ASTN2: variants seen among roughly 807,000 people sequenced by gnomAD.
ASTN2 encodes the protein astrotactin 2.
Under a neutral mutation model 139.8 loss-of-function variants are expected in ASTN2, and 54 were observed. The ratio of observed to expected loss-of-function variants is 0.39; its 90% CI spans 0.31 to 0.48. ASTN2 has a LOEUF of 0.48. Ranked by LOEUF, ASTN2 falls within the 20% of genes least tolerant of loss-of-function variation. The probability of loss-of-function intolerance (pLI) is 0.95; values close to 1 mark genes in which losing one functional copy is unlikely to be tolerated. For synonymous variants in ASTN2, 756 were observed against 719.5 expected (o/e 1.05, Z -0.81); for missense variants, 1,565 against 1,725.1 (o/e 0.91, Z 1.64).
At chr9:116,972,800 G>T (rs972847399) in intron 10 of ASTN2, among the ~76,000 whole-genome samples, 1 of 152,140 alleles carries the variant, frequency 6.6e-6, no homozygotes, top group East Asian at 1.9e-4. Flanking sequence ...AACTTGCAGT[G>T]CACGTTCAAG....
chr9:116,505,928 C>T (rs1226991589), intron 19 of ASTN2, among the ~76,000 whole-genome samples: 1 of 152,200 alleles, frequency 6.6e-6, no homozygotes, highest in Non-Finnish European at 1.5e-5. Context: ...TCTGCTCAAA[C>T]ATCACACCCT....
intron 3 of ASTN2, among the ~76,000 whole-genome samples, chr9:117,144,660 G>GTTTTTTTTTTTTTT (rs71379267): frequency 1.3e-4 from 10 of 78,346 alleles, no homozygotes; most frequent in African/African-American, 6.0e-4. Context: ...GTGAACACTA[G>GTTTTTTTTTTTTTT]TTTTTTTTTT....
At chr9:116,474,940 C>G (rs752799917) in intron 20 of ASTN2, among the ~76,000 whole-genome samples, 31 of 152,178 alleles carry the variant, frequency 2.0e-4, no homozygotes, top group Non-Finnish European at 3.4e-4. Flanking sequence ...GTGATGGTCA[C>G]AGCCTACTGG....
Position 117,146,822 on chromosome 9 carries a change from C to A in ASTN2, c.1016-5344G>T, listed in dbSNP as rs75715158. Among the ~76,000 whole-genome samples, 34 of 152,172 alleles carry A rather than the reference C, an allele frequency of 2.2e-4. No individual in the cohort carries two copies. In the East Asian group the frequency reaches 6.6e-3, roughly 29 times the overall value. The stretch of plus-strand genomic sequence containing the variant: ...ATTAAAAGGATAGAAGGACTAAGTT[C>A]TAGTGTTCTATAGTGCTGTAGGGTG... On this transcript the variant is annotated intron_variant, in intron 3 of 22. Transcript: ENST00000313400.
rs564974830 is a variant in ASTN2, at chr9:117,075,359, G to A, written c.1276+20685C>T. ...GATCCAAGGCTGGCGGCCCAGGCTG[G>A]GGTTTTTAATTAGCTGAGAGAGGGA... On this transcript the variant is annotated intron_variant, in intron 5 of 22. Transcript: ENST00000313400. Among the ~76,000 whole-genome samples, 3 of 152,228 alleles carry A rather than the reference G, an allele frequency of 2.0e-5. No individual in the cohort carries two copies. The East Asian group carries it at 5.8e-4, about 29-fold the overall frequency.
At chr9:116,806,411 C>T (rs1831029539) in intron 12 of ASTN2, among the ~76,000 whole-genome samples, 1 of 152,082 alleles carries the variant, frequency 6.6e-6, no homozygotes, top group Non-Finnish European at 1.5e-5. Flanking sequence ...GGTGTGGAAA[C>T]AATATTTGCA....
intron 6 of ASTN2, among the ~76,000 whole-genome samples, chr9:117,037,996 C>T (rs547364027): frequency 9.2e-5 from 14 of 152,260 alleles, no homozygotes; most frequent in African/African-American, 2.9e-4. Flanking sequence ...GTACATAGGT[C>T]TGAAAATCAA....
At chr9:117,263,294 T>C (rs966750810) in intron 2 of ASTN2, among the ~76,000 whole-genome samples, 1 of 152,156 alleles carries the variant, frequency 6.6e-6, no homozygotes, top group Non-Finnish European at 1.5e-5. Context: ...GAGTGAAGTA[T>C]AACTTTGTGT....
At position 117,029,954 on chromosome 9, in the gene ASTN2, A is replaced by G. The variant is rs543706528; in HGVS notation, c.1423+9865T>C. Among the ~76,000 whole-genome samples the G allele has an allele frequency of 2.6e-5, 4 of 152,226 alleles. No homozygotes were observed. The South Asian group carries it at 8.3e-4, about 32-fold the overall frequency. On this transcript the variant is annotated intron_variant, in intron 6 of 22. Coordinates refer to ENST00000313400, the MANE Select transcript of ASTN2 (RefSeq NM_001365068.1). Reference sequence around the variant, plus strand: ...CATAACTACCCTCACAGTTGACAAAATACTTTTAAATGAATCAGCCCACTA... The same window carrying G: ...CATAACTACCCTCACAGTTGACAAAGTACTTTTAAATGAATCAGCCCACTA...
At chr9:116,907,835 G>A (rs541578841) in intron 10 of ASTN2, among the ~76,000 whole-genome samples, 3 of 152,116 alleles carry the variant, frequency 2.0e-5, no homozygotes, top group African/African-American at 4.8e-5. Flanking sequence ...ACGTGGGTCC[G>A]AAGCCTCCTG....
chr9:116,790,170 C>A (rs1029768177), intron 13 of ASTN2, among the ~76,000 whole-genome samples: 4 of 152,090 alleles, frequency 2.6e-5, no homozygotes, highest in East Asian at 1.9e-4. Context: ...AGATGATCTG[C>A]CTGCCTCGGC....
chr9:116,649,825 T>A (rs1198647985), intron 17 of ASTN2, among the ~76,000 whole-genome samples: 1 of 152,150 alleles, frequency 6.6e-6, no homozygotes, highest in Non-Finnish European at 1.5e-5. Context: ...CATCACCTCA[T>A]GGCCCACAGG....
At chr9:116,621,325 C>G (rs964129665) in intron 17 of ASTN2, among the ~76,000 whole-genome samples, 3 of 152,062 alleles carry the variant, frequency 2.0e-5, no homozygotes, top group African/African-American at 7.2e-5. Flanking sequence ...TAGATTAGGT[C>G]TGAGGGCCAC....
chr9:117,171,840 T>C (rs1162481399), intron 3 of ASTN2, among the ~76,000 whole-genome samples: 1 of 152,156 alleles, frequency 6.6e-6, no homozygotes, highest in African/African-American at 2.4e-5. Flanking sequence ...TTGGGCACTT[T>C]TTATAGCAGT....
intron 2 of ASTN2, among the ~76,000 whole-genome samples, chr9:117,223,904 A>C (rs914694118): frequency 1.3e-5 from 2 of 152,204 alleles, no homozygotes; most frequent in African/African-American, 4.8e-5. Context: ...TCTACTTACC[A>C]TGTATCTATT....
At chr9:117,336,493 C>T (rs937876981) in intron 1 of ASTN2, among the ~76,000 whole-genome samples, 21 of 152,140 alleles carry the variant, frequency 1.4e-4, no homozygotes, top group African/African-American at 5.1e-4. Context: ...CTCTTGATCC[C>T]CATCTCCTAT....
chr9:117,171,355 T>G (rs1358107053), intron 3 of ASTN2, among the ~76,000 whole-genome samples: 5 of 152,166 alleles, frequency 3.3e-5, no homozygotes, highest in African/African-American at 1.2e-4. Flanking sequence ...GCTGTGTGAC[T>G]GCAGAAGGGT....
At chr9:116,849,109 G>A (rs1379924826) in intron 11 of ASTN2, among the ~76,000 whole-genome samples, 2 of 152,192 alleles carry the variant, frequency 1.3e-5, no homozygotes, top group African/African-American at 4.8e-5. Flanking sequence ...GGCAAATAAT[G>A]TGGGAAGAGG....
chr9:116,952,424 C>T (rs2132488501), intron 10 of ASTN2, among the ~76,000 whole-genome samples: 1 of 152,208 alleles, frequency 6.6e-6, no homozygotes, highest in Middle Eastern at 3.4e-3. Flanking sequence ...TGTTCATTTC[C>T]TGGTGAAGAA....
Sources: allele counts gnomAD v4.1 joint callset (sites outside exome capture counted in the v4.1 genomes callset), GRCh38; gene constraint gnomAD v4.1.1; transcripts MANE v1.5; gene names NCBI Gene and HGNC (gene_info 2026-07-23, HGNC 2026-07-21).